Variants in PIP5KL1 observed in about 807,000 individuals in gnomAD.
The protein encoded by PIP5KL1 is phosphatidylinositol 4-phosphate 5-kinase-like protein 1.
Under a neutral mutation model 47.6 loss-of-function variants are expected in PIP5KL1, and 45 were observed. The ratio of observed to expected loss-of-function variants is 0.94; its 90% CI spans 0.74 to 1.21. The LOEUF (loss-of-function observed/expected upper bound fraction) is 1.21, where lower values mean the gene tolerates loss of function less well. Among genes scored for constraint, PIP5KL1 ranks in the 50% most tolerant of loss-of-function variants. The pLI is 0.00. For synonymous variants in PIP5KL1, 256 were observed against 234.6 expected, an observed-to-expected ratio of 1.09 and a Z score of -0.84; for missense variants, 577 against 547.6, an observed-to-expected ratio of 1.05 and a Z score of -0.54.
rs1218982601 is a variant in PIP5KL1, at chr9:127,929,797, C to A, written c.119G>T (p.Arg40Leu). ...LLWRLRDKQS[R>L]LGLFEISPGH... Reference sequence around the variant, plus strand: ...CGGGCTGATCTCAAACAGGCCCAGGCGAGACTGCTTGTCTCGGAGGCGCCA... The same window carrying A: ...CGGGCTGATCTCAAACAGGCCCAGGAGAGACTGCTTGTCTCGGAGGCGCCA... Residue 40 changes from arginine to leucine, a missense_variant, in exon 2 of 10, where the codon CGC becomes CTC. By Grantham distance (102) the Arg-to-Leu change is moderately radical. Coordinates refer to ENST00000388747, the MANE Select transcript of PIP5KL1 (RefSeq NM_001135219.2). The surrounding 1 kb of genome is among the most constrained non-coding windows in gnomAD (Gnocchi z 4.0). The A allele has an allele frequency of 9.6e-6, 15 of 1,556,312 alleles. No individual in the cohort carries two copies. The highest frequency in any genetic ancestry group is 1.3e-5 in the Non-Finnish European group (15 of 1,150,304).
rs377392653 is a variant in PIP5KL1, at chr9:127,928,141, G to A, written c.358C>T (p.Gln120Ter). Residue 120 changes from glutamine to a stop codon, truncating the protein, a stop_gained, in exon 4 of 10, where the codon CAG (glutamine) becomes TAG (stop). Transcript: ENST00000388747. LOFTEE classifies it high-confidence loss of function. ...GGGCCGCCGGGGCCCAGGGCAGCCT[G>A]ATAGTCCTCCTCCGCCAGGCCCAGG... Reference protein sequence around the residue: ...RSLGLAEEDYQAALGPGGPYL... With the variant: ...RSLGLAEEDY 5.0e-4 allele frequency: 772 copies of A among 1,547,128 alleles called. No individual in the cohort carries two copies. The highest frequency in any genetic ancestry group is 6.4e-4 in the Non-Finnish European group (730 of 1,147,264).
At position 127,929,639 on chromosome 9, in the gene PIP5KL1, G is replaced by C; in HGVS notation, c.228+49C>G. ...TTCAGCCAGACAGGGCATCAGCCAA[G>C]TCTTGCCATTGCTGGTGTGGAGATT... On this transcript the variant is annotated intron_variant, in intron 2 of 9. Transcript: ENST00000388747. This position sits in a 1 kb window ranked among gnomAD's most constrained non-coding sequence, Gnocchi z 4.0. The C allele has an allele frequency of 6.8e-7, 1 of 1,478,562 alleles. No homozygotes were observed. Among genetic ancestry groups the C allele is most frequent in the Non-Finnish European group, 9.1e-7 (1 of 1,099,032 alleles). The allele number at this position is 1,478,562 out of a possible 1,614,324, so 91.6% of individuals were successfully genotyped here.
At chr9:127,923,365 G>A (rs1364658295) in intron 9 of PIP5KL1, among the ~76,000 whole-genome samples, 2 of 152,254 alleles carry the variant, frequency 1.3e-5, no homozygotes, top group African/African-American at 4.8e-5. Flanking sequence ...GGGGAGATGT[G>A]GGATGGGGGC....
At position 127,928,054 on chromosome 9, in the gene PIP5KL1, C is replaced by A; in HGVS notation, c.434+11G>T. 1 of 1,544,016 alleles carries A rather than the reference C, an allele frequency of 6.5e-7. No homozygotes were observed. The highest frequency in any genetic ancestry group is 8.7e-7 in the Non-Finnish European group (1 of 1,147,528). On this transcript the variant is annotated intron_variant, in intron 4 of 9. Transcript: ENST00000388747. The stretch of plus-strand genomic sequence containing the variant: ...ACTCCCACCCCTGCCCCACCCCTGC[C>A]GCAAGCTCACGACAGGAAGAAGCTG...
Position 127,927,891 on chromosome 9 carries a change from C to T in PIP5KL1, c.435-119G>A. On this transcript the variant is annotated intron_variant, in intron 4 of 9. Coordinates refer to ENST00000388747, the MANE Select transcript of PIP5KL1 (RefSeq NM_001135219.2). This position sits in a 1 kb window ranked among gnomAD's most constrained non-coding sequence, Gnocchi z 5.5. ...CCAGGTCTCGGCACCGCCTCTCTCG[C>T]CTTCGGCCCTCGCCCTCCTCTCCTC... 3 of 1,489,184 alleles carry T rather than the reference C, an allele frequency of 2.0e-6. No homozygotes were observed. In the East Asian group the frequency reaches 7.6e-5, roughly 37 times the overall value. 92.2% of individuals were successfully genotyped at this position (1,489,184 alleles called of 1,614,324 possible).
At chr9:127,925,380 C>T in intron 8 of PIP5KL1, 120 bp from the exon 9 acceptor site, 1 of 1,244,620 alleles carries the variant, frequency 8.0e-7, no homozygotes. Context: ...TAAAGAAACT[C>T]ATCTGTAATT....
At chr9:127,924,215 A>G (rs1308471403) in intron 9 of PIP5KL1, among the ~76,000 whole-genome samples, 1 of 152,018 alleles carries the variant, frequency 6.6e-6, no homozygotes, top group Non-Finnish European at 1.5e-5. Flanking sequence ...AAAAATACGA[A>G]AATTGGCCGG....
intron 9 of PIP5KL1, among the ~76,000 whole-genome samples, chr9:127,924,442 G>C (rs1276013198): frequency 6.7e-6 from 1 of 149,796 alleles, no homozygotes; most frequent in Non-Finnish European, 1.5e-5. Context: ...AGTGAGCCAA[G>C]ATCGCGCCAC....
Position 127,928,415 on chromosome 9 carries a change from G to T in PIP5KL1, c.279+18C>A. 6.3e-7 allele frequency: 1 copy of T among 1,594,244 alleles called. No homozygotes were observed. On this transcript the variant is annotated intron_variant, in intron 3 of 9. Transcript: ENST00000388747. ...GACCAGCACACGTCCCTCCCACACG[G>T]GAGTCTGGGCCTCCTACCTCGTGAA...
Position 127,921,608 on chromosome 9 carries a change from TA to T in PIP5KL1, c.*238del. The T allele has an allele frequency of 1.7e-6, 1 of 574,714 alleles. No individual in the cohort carries two copies. The highest frequency in any genetic ancestry group is 3.0e-6 in the Non-Finnish European group (1 of 330,050). 35.6% of individuals were successfully genotyped at this position (574,714 alleles called of 1,614,324 possible). On this transcript the variant is annotated 3_prime_UTR_variant, in exon 10 of 10. Transcript: ENST00000388747. ...CCCTGAGCCTCCATTTCATGGTCTG[TA>T]AAAAGAGAATAATAGCATTTTTTGA...
intron 9 of PIP5KL1, among the ~76,000 whole-genome samples, chr9:127,922,694 C>CAAAAAAA (rs386416269): frequency 1.0e-4 from 9 of 89,314 alleles, no homozygotes; most frequent in South Asian, 4.1e-4. Context: ...GACTCTGTCT[C>CAAAAAAA]AAAAAAAAAA....
Position 127,921,747 on chromosome 9 carries a change from C to G in PIP5KL1, c.*100G>C, listed in dbSNP as rs532409259. On this transcript the variant is annotated 3_prime_UTR_variant, in exon 10 of 10. Transcript: ENST00000388747. ...GTTAGGGGATGCTGCCCTCTGGCGA[C>G]CATCAGGAGGAAGCGCAGGCGAGAT... 7.0e-7 allele frequency: 1 copy of G among 1,425,134 alleles called. No homozygotes were observed. The highest frequency in any genetic ancestry group is 2.5e-5 in the East Asian group (1 of 40,054). 88.3% of individuals were successfully genotyped at this position (1,425,134 alleles called of 1,614,324 possible).
intron 9 of PIP5KL1, among the ~76,000 whole-genome samples, chr9:127,923,908 C>T (rs1831323886): frequency 1.3e-5 from 2 of 152,216 alleles, no homozygotes; most frequent in South Asian, 4.1e-4. Context: ...TCAGTTCTCA[C>T]ATTTCTCAAA....
chr9:127,922,294 G>A (rs1372002075), intron 9 of PIP5KL1, among the ~76,000 whole-genome samples, 180 bp from the exon 10 acceptor site: 1 of 149,904 alleles, frequency 6.7e-6, no homozygotes, highest in Non-Finnish European at 1.5e-5. Context: ...GAGGTGCACT[G>A]TTCAGTAGAC....
Position 127,921,782 on chromosome 9 carries a change from C to A in PIP5KL1, c.*65G>T. The A allele has an allele frequency of 2.7e-6, 4 of 1,495,390 alleles. No homozygotes were observed. Among genetic ancestry groups the A allele is most frequent in the South Asian group, 1.3e-5 (1 of 78,682 alleles). The allele number at this position is 1,495,390 out of a possible 1,614,324, so 92.6% of individuals were successfully genotyped here. On this transcript the variant is annotated 3_prime_UTR_variant, in exon 10 of 10. Transcript: ENST00000388747. ...GAAGCGCAGGCGAGATGCCCGGGCC[C>A]GGGGGAACCGGCGTTCCTGGCGTGA...
intron 3 of PIP5KL1, 26 bp from the exon 4 acceptor site, chr9:127,928,245 G>A (rs1831392191): frequency 6.5e-6 from 10 of 1,531,670 alleles, no homozygotes; most frequent in Non-Finnish European, 8.8e-6. Context: ...AGCCTCCTCT[G>A]GAGTGTCTGC....
intron 8 of PIP5KL1, 107 bp downstream of exon 8, chr9:127,925,760 G>A (rs1030828088): frequency 4.5e-5 from 44 of 986,140 alleles, no homozygotes; most frequent in South Asian, 2.0e-4. Flanking sequence ...CACGGCGCCC[G>A]GCCGAATCTG....
chr9:127,929,738 G>A lies in PIP5KL1; in HGVS notation c.178C>T (p.Gln60Ter). Reference sequence around the variant, plus strand: ...TGGGTGGCAGCCCACAGCCCTGCCTGCATCATGCACGTCATCCCATGCAGT... The same window carrying A: ...TGGGTGGCAGCCCACAGCCCTGCCTACATCATGCACGTCATCCCATGCAGT... ...HELHGMTCMMQAGLWAATQVS... is the reference protein window; with the variant it reads ...HELHGMTCMM Residue 60 changes from glutamine to a stop codon, truncating the protein, a stop_gained, in exon 2 of 10, where the codon CAG (glutamine) becomes TAG (stop). Transcript: ENST00000388747. LOFTEE classifies it high-confidence loss of function. The surrounding 1 kb of genome is among the most constrained non-coding windows in gnomAD (Gnocchi z 4.0). The A allele has an allele frequency of 6.3e-7, 1 of 1,587,380 alleles. No homozygotes were observed. Among genetic ancestry groups the A allele is most frequent in the South Asian group, 1.1e-5 (1 of 87,062 alleles).
At chr9:127,924,986 T>G in intron 9 of PIP5KL1, 121 bp downstream of exon 9, 1 of 1,364,268 alleles carries the variant, frequency 7.3e-7, no homozygotes, top group Non-Finnish European at 1.0e-6. Context: ...ACACAAACTC[T>G]GCACTTTCCA....
Sources: gnomAD v4.1 joint callset for allele counts (sites outside exome capture counted in the v4.1 genomes callset) on GRCh38, gnomAD v4.1.1 for gene constraint, Gnocchi (gnomAD v3.1) non-coding constraint, MANE v1.5 for transcripts, NCBI Gene and HGNC (gene_info 2026-07-23, HGNC 2026-07-21) for gene names.